The following CAMTA1 variants were observed in gnomAD, a reference collection of about 807,000 sequenced individuals.
The protein encoded by CAMTA1 is calmodulin-binding transcription activator 1.
CAMTA1 carries 27 observed loss-of-function variants against 170.9 expected under a neutral mutation model. The observed-to-expected ratio is 0.16, with a 90% confidence interval of 0.12 to 0.22. The LOEUF is 0.22. Among genes scored for constraint, CAMTA1 ranks in the 10% least tolerant of loss-of-function variants. CAMTA1 has a pLI of 1.00. For missense variants in CAMTA1, 1,619 were observed against 2,217.2 expected (o/e 0.73, Z 5.42); for synonymous variants, 833 against 891.5 (o/e 0.93, Z 1.17).
chr1:6,863,992 A>G (rs903832819), intron 3 of CAMTA1, among the ~76,000 whole-genome samples: 14 of 152,266 alleles, frequency 9.2e-5, no homozygotes, highest in South Asian at 8.3e-4. Flanking sequence ...GGATTTGTCT[A>G]CTGTTTTTCT....
rs79227733 is a variant in CAMTA1 at position 7,433,816 on chromosome 1, G to A, written c.439-34014G>A. On this transcript the variant is annotated intron_variant, in intron 5 of 22. Transcript: ENST00000303635. ...AAGGGCCCTTGTGATGGAAGATTCC[G>A]TTTCCTGACTGTCCTGGTATCAACA... 9.0e-4 allele frequency among the ~76,000 whole-genome samples: 137 copies of A among 152,250 alleles called. 3 individuals carry two copies. The East Asian group carries it at 0.023, about 26-fold the overall frequency.
chr1:6,815,671 A>G (rs1277169964), intron 1 of CAMTA1, among the ~76,000 whole-genome samples: 1 of 152,206 alleles, frequency 6.6e-6, no homozygotes, highest in Non-Finnish European at 1.5e-5. Flanking sequence ...CTGTTGAGGA[A>G]TGTTAGGATT....
At chr1:7,348,880 G>A (rs1045590822) in intron 5 of CAMTA1, among the ~76,000 whole-genome samples, 1 of 152,126 alleles carries the variant, frequency 6.6e-6, no homozygotes, top group Non-Finnish European at 1.5e-5. Context: ...ATTTTCCAAC[G>A]ACATCCCTCA....
intron 5 of CAMTA1, among the ~76,000 whole-genome samples, chr1:7,439,602 T>C (rs2092458267): frequency 6.6e-6 from 1 of 152,208 alleles, no homozygotes; most frequent in African/African-American, 2.4e-5. Context: ...AGCCTGCGCA[T>C]GGTACGGCCA....
chr1:7,256,335 G>A (rs376933886), intron 5 of CAMTA1, among the ~76,000 whole-genome samples: 15 of 152,006 alleles, frequency 9.9e-5, no homozygotes, highest in Non-Finnish European at 2.1e-4. Context: ...CGAGGCAGGC[G>A]GATCATGAGG....
intron 5 of CAMTA1, among the ~76,000 whole-genome samples, chr1:7,458,355 C>T (rs1750839): frequency 0.027 from 4,116 of 152,240 alleles, 103 homozygotes; most frequent in Non-Finnish European, 0.044. Flanking sequence ...AGCTGCAGTT[C>T]CCACATCTGC....
At chr1:7,247,835 A>T (rs574392101) in intron 4 of CAMTA1, among the ~76,000 whole-genome samples, 1 of 152,310 alleles carries the variant, frequency 6.6e-6, no homozygotes, top group South Asian at 2.1e-4. Context: ...CCTACCTGCC[A>T]TTTAGAAATG....
At chr1:6,913,636 T>A (rs571449250) in intron 3 of CAMTA1, among the ~76,000 whole-genome samples, 56 of 152,230 alleles carry the variant, frequency 3.7e-4, no homozygotes, top group African/African-American at 1.3e-3. Flanking sequence ...GCTTTATGGA[T>A]GAGCGTTTCT....
intron 4 of CAMTA1, among the ~76,000 whole-genome samples, chr1:7,178,353 G>A (rs896035625): frequency 1.2e-4 from 19 of 152,148 alleles, no homozygotes; most frequent in African/African-American, 4.3e-4. Context: ...TATATTTCTA[G>A]TGACTATTAA....
intron 7 of CAMTA1, among the ~76,000 whole-genome samples, chr1:7,655,287 C>CACAA (rs572652624): frequency 1.2e-4 from 18 of 145,994 alleles, no homozygotes; most frequent in South Asian, 9.0e-4. Flanking sequence ...CCGTTATACA[C>CACAA]ACACACACCT....
At chr1:6,993,200 T>G (rs1696668420) in intron 3 of CAMTA1, among the ~76,000 whole-genome samples, 2 of 152,286 alleles carry the variant, frequency 1.3e-5, no homozygotes, top group African/African-American at 2.4e-5. Flanking sequence ...CTTACCTCTT[T>G]GACATTTTCA....
chr1:7,433,969 G>A (rs1484578092), intron 5 of CAMTA1, among the ~76,000 whole-genome samples: 3 of 152,088 alleles, frequency 2.0e-5, no homozygotes, highest in African/African-American at 7.2e-5. Context: ...CCTGGTGGAC[G>A]GGGAAGCATT....
chr1:7,663,482 A>G lies in CAMTA1; in HGVS notation c.935A>G (p.Lys312Arg), dbSNP rs776756175. 6 of 1,597,846 alleles carry G rather than the reference A, an allele frequency of 3.8e-6. No homozygotes were observed. The South Asian group carries it at 6.7e-5, about 18-fold the overall frequency. ...CAGCACAATGACGTGTCGGAGGGCA[A>G]GCACGAGCACAGCCACAGCAAGGGC... ...EVQHNDVSEG[K>R]HEHSHSKGSS... The change falls in exon 9 of 23, where the codon AAG (lysine) becomes AGG (arginine). Residue 312 changes from lysine (K) to arginine (R), a missense_variant. By Grantham distance (26) the Lys-to-Arg change is conservative. Coordinates refer to ENST00000303635, the MANE Select transcript of CAMTA1 (RefSeq NM_015215.4).
intron 4 of CAMTA1, among the ~76,000 whole-genome samples, chr1:7,119,221 C>T (rs1644505241): frequency 6.6e-6 from 1 of 152,200 alleles, no homozygotes. Flanking sequence ...GGTGCAGTCT[C>T]TCCCCAAAAC....
At chr1:6,845,370 C>T (rs1217471712) in intron 3 of CAMTA1, among the ~76,000 whole-genome samples, 1 of 152,200 alleles carries the variant, frequency 6.6e-6, no homozygotes. Flanking sequence ...CCTCGGCCCT[C>T]AGGAAGTAAT....
intron 6 of CAMTA1, among the ~76,000 whole-genome samples, chr1:7,504,673 G>C (rs1179136406): frequency 1.3e-5 from 2 of 152,280 alleles, no homozygotes; most frequent in African/African-American, 4.8e-5. Flanking sequence ...AGAGGGGAGA[G>C]GTGAGGTCCA....
chr1:7,698,899 T>C (rs536618840), intron 11 of CAMTA1: 1 of 152,294 alleles, frequency 6.6e-6, no homozygotes, highest in Non-Finnish European at 1.5e-5. Flanking sequence ...TGAGTAGTCA[T>C]GGGACAGGGC....
chr1:7,371,768 T>C (rs2086491734), intron 5 of CAMTA1, among the ~76,000 whole-genome samples: 1 of 152,178 alleles, frequency 6.6e-6, no homozygotes, highest in Non-Finnish European at 1.5e-5. Flanking sequence ...TGATCTTCAG[T>C]TTAGGGCTGA....
chr1:7,283,891 C>A (rs1275257524), intron 5 of CAMTA1, among the ~76,000 whole-genome samples: 1 of 152,164 alleles, frequency 6.6e-6, no homozygotes, highest in Admixed American at 6.5e-5. Flanking sequence ...TTCCACAGTG[C>A]AGACCCCATC....
Sources: allele counts gnomAD v4.1 joint callset (sites outside exome capture counted in the v4.1 genomes callset), GRCh38; gene constraint gnomAD v4.1.1; transcripts MANE v1.5; gene names NCBI Gene and HGNC (gene_info 2026-07-23, HGNC 2026-07-21).